The following SV2C variants were observed in gnomAD, a reference collection of about 807,000 sequenced individuals.
SV2C encodes the protein synaptic vesicle glycoprotein 2C.
SV2C carries 49 observed loss-of-function variants against 79.7 expected under a neutral mutation model. The observed-to-expected ratio is 0.61, with a 90% CI of 0.49 to 0.78. SV2C has a LOEUF of 0.78. SV2C is among the 30% of genes least tolerant of loss of function. The pLI, the probability that SV2C is intolerant of heterozygous loss-of-function variation, is 0.00. For synonymous variants in SV2C, 334 were observed against 333.2 expected (o/e 1.00, Z -0.03); for missense variants, 833 against 912.9 (o/e 0.91, Z 1.13).
intron 12 of SV2C, among the ~76,000 whole-genome samples, chr5:76,306,465 T>C (rs1748198159): frequency 1.3e-5 from 2 of 152,214 alleles, no homozygotes; most frequent in African/African-American, 4.8e-5. Flanking sequence ...TGGAGATTAT[T>C]ACTAAAGTGC....
At chr5:76,181,371 T>A (rs967474843) in intron 2 of SV2C, among the ~76,000 whole-genome samples, 7 of 152,220 alleles carry the variant, frequency 4.6e-5, no homozygotes, top group African/African-American at 1.7e-4. Context: ...AGTCTGCCAG[T>A]CCTGTTCTAC....
chr5:75,937,285 T>C, the SV2C span, among the ~76,000 whole-genome samples: 1,029 of 152,346 alleles, frequency 6.8e-3, 8 homozygotes, highest in Non-Finnish European at 0.012. Flanking sequence ...CAACATTTTA[T>C]CCATTTTGCT....
chr5:75,938,009 A>C, the SV2C span, among the ~76,000 whole-genome samples: 1 of 152,148 alleles, frequency 6.6e-6, no homozygotes. Context: ...AGGCAACACA[A>C]GTATAGGTTT....
chr5:75,889,209 C>T, the SV2C span, among the ~76,000 whole-genome samples: 1 of 151,184 alleles, frequency 6.6e-6, no homozygotes, highest in Non-Finnish European at 1.5e-5. Context: ...GTTTTAAGCC[C>T]CACGTGCATT....
At chr5:76,204,306 T>C (rs1219615958) in intron 3 of SV2C, among the ~76,000 whole-genome samples, 4 of 152,238 alleles carry the variant, frequency 2.6e-5, no homozygotes, top group African/African-American at 7.2e-5. Flanking sequence ...TTATTTGTAA[T>C]TGTGATTCCT....
chr5:76,132,672 C>A (rs1363653900), intron 2 of SV2C, among the ~76,000 whole-genome samples: 1 of 152,068 alleles, frequency 6.6e-6, no homozygotes, highest in East Asian at 1.9e-4. Context: ...AATTCCAAAG[C>A]TACTCTCTTG....
At chr5:76,313,116 C>T (rs1279937596) in intron 12 of SV2C, among the ~76,000 whole-genome samples, 1 of 152,230 alleles carries the variant, frequency 6.6e-6, no homozygotes, top group Non-Finnish European at 1.5e-5. Flanking sequence ...AATAGCATCT[C>T]AGGGCCTTTC....
the SV2C span, among the ~76,000 whole-genome samples, chr5:76,023,706 ATGTT>A: frequency 1.5e-4 from 8 of 54,554 alleles, no homozygotes; most frequent in South Asian, 3.7e-4. Flanking sequence ...ATATGTATGT[ATGTT>A]TGTTCAGAGT....
the SV2C span, among the ~76,000 whole-genome samples, chr5:76,073,542 T>TAC: frequency 4.7e-5 from 6 of 126,334 alleles, no homozygotes; most frequent in Admixed American, 5.0e-4. Context: ...TATATATATA[T>TAC]ATACACCATG....
At chr5:76,257,105 G>A (rs552227355) in intron 4 of SV2C, among the ~76,000 whole-genome samples, 6 of 152,170 alleles carry the variant, frequency 3.9e-5, no homozygotes, top group Admixed American at 1.3e-4. Context: ...CTGATGTGCC[G>A]TAAACTTCCA....
chr5:75,998,824 A>G, the SV2C span, among the ~76,000 whole-genome samples: 2 of 151,886 alleles, frequency 1.3e-5, no homozygotes, highest in Admixed American at 6.6e-5. Flanking sequence ...CTTTCCTTCT[A>G]TCTCTCACTC....
chr5:75,895,591 T>A, the SV2C span, among the ~76,000 whole-genome samples: 1 of 152,094 alleles, frequency 6.6e-6, no homozygotes, highest in African/African-American at 2.4e-5. Context: ...CCTAGTAGAC[T>A]TTGTAACAGA....
At chr5:75,974,542 A>G in the SV2C span, among the ~76,000 whole-genome samples, 3 of 151,880 alleles carry the variant, frequency 2.0e-5, no homozygotes, top group Admixed American at 1.3e-4. Context: ...CTCAGAGAGA[A>G]CTCTCTCCAC....
the SV2C span, among the ~76,000 whole-genome samples, chr5:75,907,547 A>G: frequency 3.3e-5 from 5 of 152,180 alleles, no homozygotes; most frequent in African/African-American, 1.2e-4. Flanking sequence ...AGAAGAGCCC[A>G]TGAGAGAGAG....
the SV2C span, among the ~76,000 whole-genome samples, chr5:76,049,915 C>T: frequency 1.3e-5 from 2 of 152,176 alleles, no homozygotes; most frequent in African/African-American, 4.8e-5. Context: ...TAAAACAGTA[C>T]ATCATGACTA....
At chr5:76,287,515 C>T (rs1245587421) in intron 6 of SV2C, among the ~76,000 whole-genome samples, 4 of 152,144 alleles carry the variant, frequency 2.6e-5, no homozygotes, top group African/African-American at 4.8e-5. Context: ...ACCCTCCCTC[C>T]GGACACTAAG....
chr5:76,325,520 T>C lies in SV2C; in HGVS notation c.2157T>C (p.Pro719=), dbSNP rs1339955380. The C allele has an allele frequency of 6.2e-7, 1 of 1,614,098 alleles. No homozygotes were observed. Among genetic ancestry groups the C allele is most frequent in the Non-Finnish European group, 8.5e-7 (1 of 1,179,994 alleles). The change falls in exon 13 of 13, where the codon CCT becomes CCC. Residue 719 remains proline (P), a synonymous_variant. Coordinates refer to ENST00000502798, the MANE Select transcript of SV2C (RefSeq NM_014979.4). Reference sequence around the variant, plus strand: ...GAGGACTCGTTGGGCTGTGCCTGCCTGACACACGAACCCAGGTTCTGATGT... The same window carrying C: ...GAGGACTCGTTGGGCTGTGCCTGCCCGACACACGAACCCAGGTTCTGATGT... The part of the protein sequence containing the change: ...VCGGLVGLCL[P]DTRTQVLM
intron 4 of SV2C, among the ~76,000 whole-genome samples, chr5:76,271,481 A>G (rs1002402019): frequency 6.6e-6 from 1 of 152,224 alleles, no homozygotes; most frequent in African/African-American, 2.4e-5. Flanking sequence ...TAATAGATGT[A>G]TGTAGACACT....
chr5:76,234,768 A>C (rs1160181944), intron 4 of SV2C, among the ~76,000 whole-genome samples: 1 of 152,176 alleles, frequency 6.6e-6, no homozygotes, highest in East Asian at 1.9e-4. Flanking sequence ...GAAAAACTGA[A>C]GCTTCCTTTA....
Sources: allele counts gnomAD v4.1 joint callset (sites outside exome capture counted in the v4.1 genomes callset), GRCh38; gene constraint gnomAD v4.1.1; transcripts MANE v1.5; gene names NCBI Gene and HGNC (gene_info 2026-07-23, HGNC 2026-07-21).